Variants in CAMTA1 observed in about 807,000 individuals in gnomAD.
CAMTA1 encodes calmodulin-binding transcription activator 1.
In CAMTA1, 27 loss-of-function variants were observed where a neutral mutation model predicts 170.9. That is an observed-to-expected ratio of 0.16 (90% confidence interval 0.12 to 0.22). The LOEUF is 0.22. Among genes scored for constraint, CAMTA1 ranks in the 10% least tolerant of loss-of-function variants. The probability of loss-of-function intolerance (pLI) is 1.00; values close to 1 mark genes in which losing one functional copy is unlikely to be tolerated. For missense variants in CAMTA1, 1,619 were observed against 2,217.2 expected (o/e 0.73, Z 5.42); for synonymous variants, 833 against 891.5 (o/e 0.93, Z 1.17).
rs115705583 is a variant in CAMTA1 at position 7,389,954 on chromosome 1, A to G, written c.439-77876A>G. The stretch of plus-strand genomic sequence containing the variant: ...GGGCCACTAGTTTCCCTCGGATGCT[A>G]TTTGTGTCCCCCGCCTTCCATTGTG... On this transcript the variant is annotated intron_variant, in intron 5 of 22. Transcript: ENST00000303635. 4.3e-3 allele frequency among the ~76,000 whole-genome samples: 659 copies of G among 152,194 alleles called. 5 individuals carry two copies. The highest frequency in any genetic ancestry group is 0.015 in the African/African-American group (631 of 41,534).
chr1:6,847,473 G>A (rs1658648714), intron 3 of CAMTA1, among the ~76,000 whole-genome samples: 1 of 151,952 alleles, frequency 6.6e-6, no homozygotes, highest in Non-Finnish European at 1.5e-5. Flanking sequence ...GAGAGAGATG[G>A]ATGAGTTAAG....
rs149280986 is a variant in CAMTA1, at chr1:7,553,435, T to C, written c.510+85534T>C. 1.0e-3 allele frequency among the ~76,000 whole-genome samples: 155 copies of C among 152,342 alleles called. 2 individuals carry two copies. The highest frequency in any genetic ancestry group is 3.5e-3 in the African/African-American group (146 of 41,584). The stretch of plus-strand genomic sequence containing the variant: ...CAGCTGTGTATTGAGTGCTGCCACG[T>C]GTAGGGGCTGAGATGCAGGACCCAT... On this transcript the variant is annotated intron_variant, in intron 6 of 22. Transcript: ENST00000303635.
chr1:7,458,547 AT>A (rs1257292002), intron 5 of CAMTA1, among the ~76,000 whole-genome samples: 1 of 152,168 alleles, frequency 6.6e-6, no homozygotes, highest in Admixed American at 6.5e-5. Context: ...TGGAGAATGA[AT>A]TTTGGGGAGC....
chr1:6,792,185 T>C (rs778600635), intron 1 of CAMTA1, among the ~76,000 whole-genome samples: 5 of 152,190 alleles, frequency 3.3e-5, no homozygotes, highest in Non-Finnish European at 7.4e-5. Context: ...CTTGAATTCC[T>C]GGCCTCAAGT....
chr1:7,589,450 G>C (rs1266983035), intron 6 of CAMTA1, among the ~76,000 whole-genome samples: 2 of 152,184 alleles, frequency 1.3e-5, no homozygotes, highest in Non-Finnish European at 2.9e-5. Context: ...CTTGACTGTG[G>C]GATGCTTGGG....
chr1:6,884,799 A>AGAGCATGT (rs1277320745), intron 3 of CAMTA1, among the ~76,000 whole-genome samples: 1 of 152,254 alleles, frequency 6.6e-6, no homozygotes, highest in African/African-American at 2.4e-5. Flanking sequence ...TAAGCAGTCT[A>AGAGCATGT]GAGCATGTCA....
At chr1:6,938,915 C>T (rs1685932838) in intron 3 of CAMTA1, among the ~76,000 whole-genome samples, 2 of 152,222 alleles carry the variant, frequency 1.3e-5, no homozygotes, top group African/African-American at 2.4e-5. Context: ...TGCCCTGCGG[C>T]CCCACTGTTT....
chr1:6,875,002 G>T (rs1405973731), intron 3 of CAMTA1, among the ~76,000 whole-genome samples: 1 of 152,100 alleles, frequency 6.6e-6, no homozygotes, highest in South Asian at 2.1e-4. Flanking sequence ...TTCATCCCAG[G>T]GCTTTCCATA....
At chr1:7,323,575 T>TA (rs1678817347) in intron 5 of CAMTA1, among the ~76,000 whole-genome samples, 1 of 147,716 alleles carries the variant, frequency 6.8e-6, no homozygotes. Context: ...CAGGCTGGAG[T>TA]GTAGTGGCAC....
chr1:7,595,198 T>C (rs1384953667), intron 6 of CAMTA1, among the ~76,000 whole-genome samples: 1 of 152,182 alleles, frequency 6.6e-6, no homozygotes, highest in African/African-American at 2.4e-5. Context: ...ATCATCATAT[T>C]GATCCAAAAG....
At chr1:7,381,980 G>C (rs2087391942) in intron 5 of CAMTA1, among the ~76,000 whole-genome samples, 1 of 152,230 alleles carries the variant, frequency 6.6e-6, no homozygotes, top group Admixed American at 6.5e-5. Flanking sequence ...TTGCTCATTA[G>C]AGTCCCAGCC....
chr1:7,680,881 A>G lies in CAMTA1; in HGVS notation c.2914+3148A>G, dbSNP rs188444229. Among the ~76,000 whole-genome samples, 1 of 148,906 alleles carries G rather than the reference A, an allele frequency of 6.7e-6. No homozygotes were observed. The highest frequency in any genetic ancestry group is 2.5e-5 in the African/African-American group (1 of 40,362). On this transcript the variant is annotated intron_variant, in intron 11 of 22. Coordinates refer to ENST00000303635, the MANE Select transcript of CAMTA1 (RefSeq NM_015215.4). This position sits in a 1 kb window ranked among gnomAD's most constrained non-coding sequence, Gnocchi z 4.4. The stretch of plus-strand genomic sequence containing the variant: ...GCGCGCCAGCAGCAGCAGCAGCAGC[A>G]GCTGCTGCGGCGAAGTCTTTGTCCC...
At chr1:6,994,783 T>G (rs187785486) in intron 3 of CAMTA1, among the ~76,000 whole-genome samples, 47 of 152,142 alleles carry the variant, frequency 3.1e-4, no homozygotes, top group African/African-American at 1.1e-3. Flanking sequence ...TCCTCTCCCC[T>G]CAGCCTCCTG....
intron 3 of CAMTA1, among the ~76,000 whole-genome samples, chr1:6,931,048 GC>G (rs1028191051): frequency 9.2e-5 from 14 of 152,302 alleles, no homozygotes; most frequent in African/African-American, 3.4e-4. Flanking sequence ...GGGCATAGAT[GC>G]CTCGGTCTGG....
chr1:7,021,229 G>A (rs1701295007), intron 3 of CAMTA1, among the ~76,000 whole-genome samples: 2 of 152,182 alleles, frequency 1.3e-5, no homozygotes, highest in Admixed American at 6.5e-5. Context: ...ATTGTGCTCC[G>A]GCAGGGCCTC....
chr1:7,084,239 A>G (rs556174960), intron 3 of CAMTA1, among the ~76,000 whole-genome samples: 1 of 152,276 alleles, frequency 6.6e-6, no homozygotes, highest in African/African-American at 2.4e-5. Context: ...AGTGAGCACT[A>G]AAGACCTTTC....
At chr1:7,499,990 T>C (rs1257880132) in intron 6 of CAMTA1, among the ~76,000 whole-genome samples, 3 of 144,834 alleles carry the variant, frequency 2.1e-5, no homozygotes, top group Admixed American at 6.8e-5. Context: ...CATAGGTATA[T>C]GAGTGTGTGT....
At chr1:7,710,916 T>A (rs2096565915) in intron 11 of CAMTA1, among the ~76,000 whole-genome samples, 1 of 152,156 alleles carries the variant, frequency 6.6e-6, no homozygotes, top group African/African-American at 2.4e-5. Context: ...TTGAGTCACG[T>A]GTCTAATCTC....
chr1:6,892,519 C>T (rs977430391), intron 3 of CAMTA1, among the ~76,000 whole-genome samples: 1 of 151,738 alleles, frequency 6.6e-6, no homozygotes, highest in Non-Finnish European at 1.5e-5. Flanking sequence ...TCTTGAGAAA[C>T]TAGCAGAATG....
Sources: allele counts gnomAD v4.1 joint callset (sites outside exome capture counted in the v4.1 genomes callset), GRCh38; gene constraint gnomAD v4.1.1; non-coding constraint Gnocchi (gnomAD v3.1); transcripts MANE v1.5; gene names NCBI Gene and HGNC (gene_info 2026-07-23, HGNC 2026-07-21).